CSMD1: variants seen among roughly 807,000 people sequenced by gnomAD.
The protein encoded by CSMD1 is CUB and Sushi multiple domains 1, also known as CUB and sushi domain-containing protein 1.
In CSMD1, 213 loss-of-function variants were observed where a neutral mutation model predicts 417.5. The ratio of observed to expected loss-of-function variants is 0.51; its 90% CI spans 0.46 to 0.57. CSMD1 has a LOEUF of 0.57. CSMD1 is among the 20% of genes least tolerant of loss of function. The pLI is 0.00. For missense variants in CSMD1, 6,923 were observed against 4,529.7 expected (o/e 1.53, Z -15.17); for synonymous variants, 2,862 against 1,736.8 (o/e 1.65, Z -16.11).
intron 17 of CSMD1, among the ~76,000 whole-genome samples, chr8:3,388,829 G>C (rs1811167134): frequency 6.6e-6 from 1 of 151,828 alleles, no homozygotes. Flanking sequence ...ATATCATTTG[G>C]CTAGAAATCT....
At chr8:3,943,918 GA>G (rs1316779962) in intron 5 of CSMD1, among the ~76,000 whole-genome samples, 1 of 152,028 alleles carries the variant, frequency 6.6e-6, no homozygotes, top group Non-Finnish European at 1.5e-5. Flanking sequence ...ATTAGGTTCT[GA>G]GCCAGAAAAC....
rs372902839 is a variant in CSMD1 at position 4,273,965 on chromosome 8, G to A, written c.415+145988C>T. ...TGTTGAAGTGTCCTGGGAGTATTCA[G>A]AACGACATTTGTATTGCTATCAGTG... On this transcript the variant is annotated intron_variant, in intron 3 of 69. Coordinates refer to ENST00000635120, the MANE Select transcript of CSMD1 (RefSeq NM_033225.6). Among the ~76,000 whole-genome samples, 4 of 152,254 alleles carry A rather than the reference G, an allele frequency of 2.6e-5. No homozygotes were observed. The East Asian group carries it at 5.8e-4, about 22-fold the overall frequency.
In CSMD1 at chr8:3,567,366, G is replaced by A. The variant is rs368928027; in HGVS notation, c.1344+7579C>T. 1.3e-4 allele frequency among the ~76,000 whole-genome samples: 20 copies of A among 151,358 alleles called. No individual in the cohort carries two copies. In the South Asian group the frequency reaches 3.8e-3, roughly 28 times the overall value. ...TGAATCTGTACAACAAACCACCATG[G>A]CACAAGTTTACCTATATAACAAACC... On this transcript the variant is annotated intron_variant, in intron 10 of 69. Coordinates refer to ENST00000635120, the MANE Select transcript of CSMD1 (RefSeq NM_033225.6).
chr8:3,000,140 G>A lies in CSMD1; in HGVS notation c.8030-9C>T, dbSNP rs780567194. The A allele has an allele frequency of 1.3e-6, 2 of 1,521,560 alleles. No individual in the cohort carries two copies. The highest frequency in any genetic ancestry group is 1.9e-5 in the Admixed American group (1 of 51,928). The allele number at this position is 1,521,560 out of a possible 1,614,324, so 94.3% of individuals were successfully genotyped here. On this transcript the variant is annotated splice_polypyrimidine_tract_variant and intron_variant, in intron 52 of 69. Coordinates refer to ENST00000635120, the MANE Select transcript of CSMD1 (RefSeq NM_033225.6). Reference sequence around the variant, plus strand: ...GGAACCGCAGTGGCCAGCTAAAAATGTTAAACCAATTTTAAAATTTAGAGT... The same window carrying A: ...GGAACCGCAGTGGCCAGCTAAAAATATTAAACCAATTTTAAAATTTAGAGT...
At chr8:4,976,530 T>C (rs2117406937) in intron 1 of CSMD1, among the ~76,000 whole-genome samples, 1 of 152,338 alleles carries the variant, frequency 6.6e-6, no homozygotes, top group Non-Finnish European at 1.5e-5. Context: ...ATGCCTAGCA[T>C]TCAATACTTA....
At chr8:4,655,831 T>C (rs1370395908) in intron 1 of CSMD1, among the ~76,000 whole-genome samples, 1 of 152,158 alleles carries the variant, frequency 6.6e-6, no homozygotes, top group Non-Finnish European at 1.5e-5. Context: ...TGGATTAGAA[T>C]TCAGCTAATT....
chr8:4,689,792 A>G (rs1379511078), intron 1 of CSMD1, among the ~76,000 whole-genome samples: 4 of 152,188 alleles, frequency 2.6e-5, no homozygotes, highest in Admixed American at 6.5e-5. Context: ...GGCTAACTCC[A>G]TATGGAATTT....
intron 1 of CSMD1, among the ~76,000 whole-genome samples, chr8:4,869,382 C>A (rs184429090): frequency 3.3e-5 from 5 of 151,896 alleles, no homozygotes; most frequent in African/African-American, 1.2e-4. Context: ...TTTAATCACT[C>A]GAATTTCATA....
In CSMD1 at chr8:4,444,345, T is replaced by G. The variant is rs573339278; in HGVS notation, c.303-24280A>C. On this transcript the variant is annotated intron_variant, in intron 2 of 69. Coordinates refer to ENST00000635120, the MANE Select transcript of CSMD1 (RefSeq NM_033225.6). ...CTGGGCTACAGAGTGAGACTCCATC[T>G]CAAAAAAAAAAAAAAAAAAAAAAAA... Among the ~76,000 whole-genome samples, 3 of 15,136 alleles carry G rather than the reference T, an allele frequency of 2.0e-4. 1 individual carries two copies. Among genetic ancestry groups the G allele is most frequent in the East Asian group, 2.9e-3 (2 of 692 alleles). 9.9% of individuals were successfully genotyped at this position (15,136 alleles called of 152,430 possible).
intron 1 of CSMD1, among the ~76,000 whole-genome samples, chr8:4,753,399 T>A (rs866921815): frequency 3.7e-5 from 5 of 133,976 alleles, no homozygotes; most frequent in Admixed American, 1.5e-4. Context: ...CTTTCCACCA[T>A]AAACCACACA....
At chr8:3,613,734 CACA>C (rs1563200149) in intron 8 of CSMD1, among the ~76,000 whole-genome samples, 16 of 139,970 alleles carry the variant, frequency 1.1e-4, no homozygotes, top group Admixed American at 2.1e-4. Flanking sequence ...CACACACACA[CACA>C]CCTCAAAAAA....
intron 26 of CSMD1, among the ~76,000 whole-genome samples, chr8:3,261,024 C>CTTTCACTG (rs1011525494): frequency 1.3e-5 from 2 of 152,102 alleles, no homozygotes; most frequent in African/African-American, 4.8e-5. Flanking sequence ...CAAAAAAAAC[C>CTTTCACTG]TTTCACTGTA....
chr8:3,092,571 T>C (rs1815016269), intron 47 of CSMD1, among the ~76,000 whole-genome samples: 1 of 152,160 alleles, frequency 6.6e-6, no homozygotes, highest in Non-Finnish European at 1.5e-5. Flanking sequence ...TAAAGTAAAT[T>C]TGACAAAGCC....
intron 5 of CSMD1, among the ~76,000 whole-genome samples, chr8:3,958,290 GA>G (rs963192881): frequency 2.0e-5 from 3 of 147,518 alleles, no homozygotes; most frequent in African/African-American, 5.0e-5. Context: ...TGGGGATGTG[GA>G]AAAAAAGTTT....
At chr8:4,218,934 C>G (rs1800855188) in intron 3 of CSMD1, among the ~76,000 whole-genome samples, 1 of 152,176 alleles carries the variant, frequency 6.6e-6, no homozygotes, top group Non-Finnish European at 1.5e-5. Context: ...TGGGGTCATT[C>G]TCTGAGCAAT....
At chr8:4,869,956 T>C (rs1344072812) in intron 1 of CSMD1, among the ~76,000 whole-genome samples, 1 of 152,094 alleles carries the variant, frequency 6.6e-6, no homozygotes, top group East Asian at 1.9e-4. Flanking sequence ...AATAATCTTA[T>C]AATTGGTTAA....
At chr8:3,229,261 T>C (rs935679541) in intron 27 of CSMD1, among the ~76,000 whole-genome samples, 6 of 152,192 alleles carry the variant, frequency 3.9e-5, no homozygotes, top group African/African-American at 1.4e-4. Flanking sequence ...AGACAGATTA[T>C]AAAGAAGTAC....
At chr8:4,180,328 C>G (rs1433258962) in intron 3 of CSMD1, among the ~76,000 whole-genome samples, 2 of 148,078 alleles carry the variant, frequency 1.4e-5, no homozygotes, top group East Asian at 4.0e-4. Context: ...ATTGCAAGGA[C>G]AAAAAACCAA....
intron 27 of CSMD1, 45 bp downstream of exon 27, chr8:3,229,995 C>T (rs1272263019): frequency 1.5e-6 from 2 of 1,318,666 alleles, no homozygotes; most frequent in Non-Finnish European, 2.0e-6. Flanking sequence ...CGACAACATG[C>T]ATCCATTCCT....
Sources: allele counts gnomAD v4.1 joint callset (sites outside exome capture counted in the v4.1 genomes callset), GRCh38; gene constraint gnomAD v4.1.1; transcripts MANE v1.5; gene names NCBI Gene and HGNC (gene_info 2026-07-23, HGNC 2026-07-21).